The following CCSER1 variants were observed in gnomAD, a reference collection of about 807,000 sequenced individuals.
The protein encoded by CCSER1 is serine-rich coiled-coil domain-containing protein 1.
CCSER1 carries 41 observed loss-of-function variants against 82.0 expected under a neutral mutation model. That is an observed-to-expected ratio of 0.50 (90% confidence interval 0.39 to 0.65). The LOEUF (loss-of-function observed/expected upper bound fraction) is 0.65. CCSER1 is among the 30% of genes least tolerant of loss of function. CCSER1 has a pLI of 0.00. For missense variants in CCSER1, 1,119 were observed against 1,064.2 expected, an observed-to-expected ratio of 1.05 and a Z score of -0.72; for synonymous variants, 414 against 383.9, an observed-to-expected ratio of 1.08 and a Z score of -0.92.
intron 9 of CCSER1, among the ~76,000 whole-genome samples, chr4:90,967,582 T>C (rs1734692128): frequency 6.6e-6 from 1 of 152,002 alleles, no homozygotes; most frequent in Non-Finnish European, 1.5e-5. Flanking sequence ...CTAAATGTAA[T>C]AGCTAATACT....
At chr4:91,016,376 A>T (rs1739431984) in intron 9 of CCSER1, among the ~76,000 whole-genome samples, 1 of 152,026 alleles carries the variant, frequency 6.6e-6, no homozygotes, top group Admixed American at 6.6e-5. Flanking sequence ...TTTAGAAAGC[A>T]ACAGAATAAT....
At chr4:91,006,712 T>C (rs1322069698) in intron 9 of CCSER1, among the ~76,000 whole-genome samples, 1 of 152,120 alleles carries the variant, frequency 6.6e-6, no homozygotes, top group East Asian at 1.9e-4. Flanking sequence ...AGGATGGTCT[T>C]GATCTCCTGA....
In CCSER1 at chr4:90,574,251, A is replaced by ATT. The variant is rs777629017; in HGVS notation, c.1725-53747_1725-53746dup. Among the ~76,000 whole-genome samples, 179 of 86,080 alleles carry ATT rather than the reference A, an allele frequency of 2.1e-3. 17 individuals are homozygous for ATT. The highest frequency in any genetic ancestry group is 2.8e-3 in the Non-Finnish European group (140 of 49,336). 56.5% of individuals were successfully genotyped at this position (86,080 alleles called of 152,430 possible). A position where few individuals can be genotyped will look rare whatever the true frequency, so the allele number is the denominator to read the frequency against. On this transcript the variant is annotated intron_variant, in intron 5 of 10. Transcript: ENST00000509176. ...CCATATAGCTTGTAGAAACACATTA[A>ATT]TTTTTTTTTTTTTTTTTTTTTTTTT...
intron 10 of CCSER1, among the ~76,000 whole-genome samples, chr4:91,363,365 G>GTC (rs1749388504): frequency 7.0e-6 from 1 of 142,242 alleles, no homozygotes; most frequent in South Asian, 2.1e-4. Context: ...TTTTGTGTGT[G>GTC]TGTGTGTGTG....
intron 4 of CCSER1, among the ~76,000 whole-genome samples, chr4:90,467,958 T>G (rs1018074505): frequency 2.0e-5 from 3 of 152,186 alleles, no homozygotes; most frequent in African/African-American, 7.2e-5. Flanking sequence ...ACTTAAGCAC[T>G]TTTCATTCTT....
chr4:90,881,616 G>GCAA (rs34481802), intron 8 of CCSER1, among the ~76,000 whole-genome samples: 2 of 151,786 alleles, frequency 1.3e-5, no homozygotes, highest in Non-Finnish European at 2.9e-5. Flanking sequence ...TACCAAAAAT[G>GCAA]CAACAACAAC....
intron 10 of CCSER1, among the ~76,000 whole-genome samples, chr4:91,124,215 A>G (rs1475903796): frequency 1.3e-5 from 2 of 151,806 alleles, no homozygotes; most frequent in Non-Finnish European, 3.0e-5. Flanking sequence ...CAAGAATATT[A>G]CTGTCATAAA....
chr4:90,455,949 CA>C (rs1474848535), intron 4 of CCSER1, among the ~76,000 whole-genome samples: 1 of 152,006 alleles, frequency 6.6e-6, no homozygotes, highest in African/African-American at 2.4e-5. Context: ...AAACTTGGGA[CA>C]AAAAAATGCC....
intron 5 of CCSER1, 52 bp downstream of exon 5, chr4:90,468,406 G>A: frequency 1.3e-6 from 2 of 1,493,740 alleles, no homozygotes; most frequent in Non-Finnish European, 1.8e-6. Context: ...TTAGATAACT[G>A]ATAAGAAAAT....
intron 1 of CCSER1, among the ~76,000 whole-genome samples, chr4:90,280,688 A>G (rs1158719599): frequency 6.6e-6 from 1 of 151,848 alleles, no homozygotes; most frequent in African/African-American, 2.4e-5. Flanking sequence ...AAATTCTCCA[A>G]CTCTCCTCTT....
chr4:90,699,879 A>G (rs549195145), intron 6 of CCSER1, among the ~76,000 whole-genome samples: 7 of 151,870 alleles, frequency 4.6e-5, no homozygotes, highest in Non-Finnish European at 7.4e-5. Context: ...AGAGCTGCTT[A>G]TTTCCTTCCA....
chr4:90,716,670 A>G (rs973666113), intron 6 of CCSER1, among the ~76,000 whole-genome samples: 1 of 152,142 alleles, frequency 6.6e-6, no homozygotes, highest in Admixed American at 6.6e-5. Flanking sequence ...GTACAGTAAC[A>G]TGCTGTACAG....
intron 6 of CCSER1, chr4:90,683,126 A>G (rs1734191626): frequency 6.6e-6 from 1 of 152,224 alleles, no homozygotes; most frequent in Non-Finnish European, 1.5e-5. Context: ...GAAGCAGAGT[A>G]CGAAGATGAA....
At chr4:90,216,932 A>G (rs1336923791) in intron 1 of CCSER1, among the ~76,000 whole-genome samples, 2 of 152,096 alleles carry the variant, frequency 1.3e-5, no homozygotes, top group African/African-American at 4.8e-5. Flanking sequence ...GATGTTTTCC[A>G]TTTGTTTTTG....
intron 10 of CCSER1, among the ~76,000 whole-genome samples, chr4:91,533,969 T>C (rs1270009141): frequency 1.3e-5 from 2 of 152,030 alleles, no homozygotes; most frequent in South Asian, 2.1e-4. Flanking sequence ...CAAATAGATA[T>C]ATGAATCATT....
chr4:90,600,244 G>A (rs1194453302), intron 5 of CCSER1, among the ~76,000 whole-genome samples: 1 of 152,098 alleles, frequency 6.6e-6, no homozygotes, highest in Non-Finnish European at 1.5e-5. Context: ...ATATGGTCAG[G>A]ACAGGTTTAA....
chr4:90,989,339 G>A (rs1157138271), intron 9 of CCSER1, among the ~76,000 whole-genome samples: 3 of 151,676 alleles, frequency 2.0e-5, no homozygotes, highest in Admixed American at 1.3e-4. Context: ...AGATATTTGT[G>A]TATCATTGTT....
chr4:91,171,798 A>G (rs72669247), intron 10 of CCSER1, among the ~76,000 whole-genome samples: 1 of 152,236 alleles, frequency 6.6e-6, no homozygotes, highest in Non-Finnish European at 1.5e-5. Flanking sequence ...ATACATAATT[A>G]TTTTGTTAAC....
At chr4:91,153,453 G>T (rs1421999250) in intron 10 of CCSER1, among the ~76,000 whole-genome samples, 1 of 151,840 alleles carries the variant, frequency 6.6e-6, no homozygotes, top group East Asian at 1.9e-4. Flanking sequence ...AATGGGTTCA[G>T]ACATCTTCCT....
Sources: allele counts gnomAD v4.1 joint callset (sites outside exome capture counted in the v4.1 genomes callset), GRCh38; gene constraint gnomAD v4.1.1; transcripts MANE v1.5; gene names NCBI Gene and HGNC (gene_info 2026-07-23, HGNC 2026-07-21).